Variants in RSPH10B observed in about 807,000 individuals in gnomAD.
RSPH10B encodes the protein radial spoke head 10 homolog B.
RSPH10B carries 7 observed loss-of-function variants against 52.5 expected under a neutral mutation model. The ratio of observed to expected loss-of-function variants is 0.13; its 90% confidence interval spans 0.08 to 0.25. The LOEUF (loss-of-function observed/expected upper bound fraction) is 0.25, where lower values mean the gene tolerates loss of function less well. Among genes scored for constraint, RSPH10B ranks in the 10% least tolerant of loss-of-function variants. The pLI is 1.00. For missense variants in RSPH10B, 89 were observed against 542.5 expected (o/e 0.16, Z 8.30); for synonymous variants, 28 against 193.2 (o/e 0.14, Z 7.09).
chr7:5,926,955 A>C (rs1437351836), intron 18 of RSPH10B, among the ~76,000 whole-genome samples: 2 of 150,932 alleles, frequency 1.3e-5, no homozygotes, highest in African/African-American at 4.9e-5. Context: ...GGGTTTCACC[A>C]GGTTGGCCAG....
intron 17 of RSPH10B, among the ~76,000 whole-genome samples, chr7:5,931,323 A>G (rs2128622118): frequency 6.6e-6 from 1 of 151,244 alleles, no homozygotes; most frequent in African/African-American, 2.4e-5. Context: ...AACGACAGGC[A>G]CTGTAGAGGG....
chr7:5,928,634 GTTT>G (rs869172826), intron 17 of RSPH10B, among the ~76,000 whole-genome samples: 1 of 120,482 alleles, frequency 8.3e-6, no homozygotes, highest in Non-Finnish European at 1.7e-5. Flanking sequence ...TTTCTTTTTT[GTTT>G]TTTTTTTTTT....
In RSPH10B at chr7:5,928,862, G is replaced by A. The variant is rs1171211137; in HGVS notation, c.2234-468C>T. Among the ~76,000 whole-genome samples, 237 of 148,954 alleles carry A rather than the reference G, an allele frequency of 1.6e-3. 3 individuals are homozygous for A. The highest frequency in any genetic ancestry group is 5.8e-3 in the African/African-American group (229 of 39,788). On this transcript the variant is annotated intron_variant, in intron 17 of 18. Transcript: ENST00000337579. ...GCTGGTCTCGAACTCTTAACCTCAC[G>A]TGATCCACCCACCTCGGCCTCCCAA...
chr7:5,938,461 T>A (rs1257218951), intron 14 of RSPH10B, among the ~76,000 whole-genome samples: 1 of 96,262 alleles, frequency 1.0e-5, no homozygotes, highest in African/African-American at 3.6e-5. Context: ...GCCTGTAGTC[T>A]CAGCTACTCG....
chr7:5,960,130 G>T (rs1262058021), intron 4 of RSPH10B, among the ~76,000 whole-genome samples: 1 of 30,556 alleles, frequency 3.3e-5, no homozygotes, highest in Non-Finnish European at 6.0e-5. Context: ...CATGCATACG[G>T]CCAGGCACAG....
At chr7:5,947,902 C>T (rs1208589760) in intron 10 of RSPH10B, among the ~76,000 whole-genome samples, 1 of 97,346 alleles carries the variant, frequency 1.0e-5, no homozygotes, top group Non-Finnish European at 2.3e-5. Flanking sequence ...GATGGAGTCT[C>T]GCCCTGTCAC....
chr7:5,928,827 T>C (rs1246002149), intron 17 of RSPH10B, among the ~76,000 whole-genome samples: 2 of 149,884 alleles, frequency 1.3e-5, no homozygotes, highest in South Asian at 2.1e-4. Flanking sequence ...GGTTTCACCA[T>C]GTTGGCCAGG....
chr7:5,940,089 C>T (rs1780110093), intron 13 of RSPH10B, among the ~76,000 whole-genome samples: 1 of 127,030 alleles, frequency 7.9e-6, no homozygotes, highest in Non-Finnish European at 1.8e-5. Flanking sequence ...CCCAGCTACT[C>T]GGGAGGCTGA....
intron 18 of RSPH10B, among the ~76,000 whole-genome samples, chr7:5,927,074 G>GTATATATATATA (rs1222727609): frequency 1.6e-4 from 12 of 74,166 alleles, no homozygotes; most frequent in Middle Eastern, 6.2e-3. Context: ...GTGTATATGT[G>GTATATATATATA]TGTGTGTGTG....
chr7:5,927,884 T>C, intron 18 of RSPH10B: 1 of 449,274 alleles, frequency 2.2e-6, no homozygotes, highest in Admixed American at 3.5e-5. Flanking sequence ...TGCAGTGAGC[T>C]GAGATCATAC....
chr7:5,942,896 T>C (rs1431997625), intron 13 of RSPH10B, among the ~76,000 whole-genome samples: 1 of 129,432 alleles, frequency 7.7e-6, no homozygotes, highest in Admixed American at 8.5e-5. Context: ...TATATATTTA[T>C]TATATATATA....
intron 13 of RSPH10B, among the ~76,000 whole-genome samples, chr7:5,940,873 C>T (rs1205633392): frequency 2.9e-5 from 2 of 68,158 alleles, no homozygotes; most frequent in African/African-American, 4.9e-5. Context: ...TTGCAGTGAG[C>T]CAAGATCAGG....
intron 7 of RSPH10B, chr7:5,953,733 C>G (rs1780648382): frequency 5.1e-6 from 1 of 195,930 alleles, no homozygotes; most frequent in African/African-American, 2.4e-5. Context: ...TCCTCCCCCT[C>G]CCCTCTCTCT....
At chr7:5,927,100 T>TGTGTGTGTGTGTA (rs1779530712) in intron 18 of RSPH10B, among the ~76,000 whole-genome samples, 9 of 63,692 alleles carry the variant, frequency 1.4e-4, no homozygotes, top group African/African-American at 4.7e-4. Context: ...GTGTGTGTAT[T>TGTGTGTGTGTGTA]TTTTTTTTTG....
At chr7:5,945,205 C>G (rs202146776) in intron 10 of RSPH10B, 27 bp from the exon 13 acceptor site, 26,714 of 515,468 alleles carry the variant, frequency 0.052, 11 homozygotes, top group African/African-American at 0.098. Flanking sequence ...GGAGAGGATG[C>G]CTGACATTTG....
intron 14 of RSPH10B, among the ~76,000 whole-genome samples, chr7:5,938,438 C>G (rs1443232230): frequency 1.8e-5 from 2 of 112,186 alleles, no homozygotes; most frequent in African/African-American, 3.1e-5. Flanking sequence ...ATTAGCCGGG[C>G]GTGGTGGCGG....
chr7:5,943,903 G>A lies in RSPH10B; in HGVS notation c.1609+8C>T. The A allele has an allele frequency of 1.2e-6, 2 of 1,607,344 alleles. No individual in the cohort carries two copies. The highest frequency in any genetic ancestry group is 1.7e-6 in the Non-Finnish European group (2 of 1,177,012). On this transcript the variant is annotated splice_region_variant and intron_variant, in intron 12 of 18. Coordinates refer to ENST00000337579, the Ensembl canonical transcript of RSPH10B. ...CGGTAAATAGAATCCTACTGGTTTT[G>A]TATTTACCTTTTATCTGGAAGGCAT...
At chr7:5,942,691 G>A (rs565241082) in intron 13 of RSPH10B, among the ~76,000 whole-genome samples, 15 of 150,086 alleles carry the variant, frequency 1.0e-4, no homozygotes, top group African/African-American at 2.2e-4. Flanking sequence ...GTGAACACCC[G>A]TCTCTACTAA....
At chr7:5,940,257 G>T (rs1040279715) in intron 13 of RSPH10B, among the ~76,000 whole-genome samples, 8 of 30,758 alleles carry the variant, frequency 2.6e-4, no homozygotes, top group African/African-American at 7.9e-4. Flanking sequence ...AGGTTTCAAT[G>T]TTTTTTTTTT....
Sources: allele counts gnomAD v4.1 joint callset (sites outside exome capture counted in the v4.1 genomes callset), GRCh38; gene constraint gnomAD v4.1.1; transcripts MANE v1.5; gene names NCBI Gene and HGNC (gene_info 2026-07-23, HGNC 2026-07-21).